Variants in SGCZ observed in about 807,000 individuals in gnomAD.
The protein encoded by SGCZ is zeta-sarcoglycan.
Under a neutral mutation model 41.3 loss-of-function variants are expected in SGCZ, and 40 were observed. That is an observed-to-expected ratio of 0.97 (90% CI 0.75 to 1.26). The LOEUF (loss-of-function observed/expected upper bound fraction) is 1.26. SGCZ is among the 50% of genes most tolerant of loss of function. The probability of loss-of-function intolerance (pLI) is 0.00; values close to 1 mark genes in which losing one functional copy is unlikely to be tolerated. For synonymous variants in SGCZ, 206 were observed against 137.5 expected (o/e 1.50, Z -3.49); for missense variants, 552 against 369.8 (o/e 1.49, Z -4.04).
At chr8:14,494,250 G>A (rs1330806263) in intron 2 of SGCZ, among the ~76,000 whole-genome samples, 1 of 152,112 alleles carries the variant, frequency 6.6e-6, no homozygotes, top group African/African-American at 2.4e-5. Flanking sequence ...TTCAGAGCCT[G>A]TCTCTCTCAA....
At chr8:14,504,187 G>A (rs1480897314) in intron 2 of SGCZ, among the ~76,000 whole-genome samples, 1 of 152,138 alleles carries the variant, frequency 6.6e-6, no homozygotes, top group African/African-American at 2.4e-5. Context: ...TGCTACAAGA[G>A]GAAAATTCAA....
At chr8:14,576,111 G>A (rs1004148936) in intron 1 of SGCZ, among the ~76,000 whole-genome samples, 15 of 152,002 alleles carry the variant, frequency 9.9e-5, no homozygotes, top group Admixed American at 1.3e-4. Flanking sequence ...ATGTATTTCC[G>A]GACAGTAATT....
chr8:14,286,060 C>A (rs1330932977), intron 3 of SGCZ, among the ~76,000 whole-genome samples: 1 of 150,552 alleles, frequency 6.6e-6, no homozygotes, highest in African/African-American at 2.4e-5. Context: ...TAGTTTTATG[C>A]TAATGCAGTC....
intron 1 of SGCZ, among the ~76,000 whole-genome samples, chr8:14,713,463 G>A (rs1435448376): frequency 2.0e-5 from 3 of 152,098 alleles, no homozygotes; most frequent in Non-Finnish European, 4.4e-5. Flanking sequence ...TATTGAGCTA[G>A]GACAATTCAA....
intron 1 of SGCZ, among the ~76,000 whole-genome samples, chr8:15,070,894 A>G (rs781150282): frequency 6.6e-6 from 1 of 152,174 alleles, no homozygotes; most frequent in Non-Finnish European, 1.5e-5. Context: ...TCTGCCACTT[A>G]GCCAGAAGTC....
At chr8:14,257,127 G>A (rs999197192) in intron 3 of SGCZ, among the ~76,000 whole-genome samples, 3 of 152,052 alleles carry the variant, frequency 2.0e-5, no homozygotes, top group African/African-American at 4.8e-5. Flanking sequence ...CCACGACATT[G>A]AGACCCACCT....
chr8:14,377,858 C>T (rs1334218415), intron 2 of SGCZ, among the ~76,000 whole-genome samples: 2 of 151,792 alleles, frequency 1.3e-5, no homozygotes, highest in Admixed American at 1.3e-4. Flanking sequence ...AGGACATGAA[C>T]TCATCATTTT....
chr8:14,458,652 G>T (rs1315025332), intron 2 of SGCZ, among the ~76,000 whole-genome samples: 1 of 152,074 alleles, frequency 6.6e-6, no homozygotes, highest in Non-Finnish European at 1.5e-5. Context: ...TGTGGACTAG[G>T]ATCTCTATCT....
chr8:15,236,305 G>A (rs528893588), intron 1 of SGCZ, among the ~76,000 whole-genome samples: 13 of 152,252 alleles, frequency 8.5e-5, no homozygotes, highest in African/African-American at 3.1e-4. Flanking sequence ...GTGCCCCCTG[G>A]CCAGGGCACA....
intron 1 of SGCZ, among the ~76,000 whole-genome samples, chr8:14,818,706 C>T (rs1179331683): frequency 1.3e-5 from 2 of 151,850 alleles, no homozygotes; most frequent in African/African-American, 2.4e-5. Context: ...AATTTATGGT[C>T]TAAATGAGAA....
chr8:14,887,064 G>A (rs1398428363), intron 1 of SGCZ, among the ~76,000 whole-genome samples: 1 of 152,088 alleles, frequency 6.6e-6, no homozygotes, highest in Non-Finnish European at 1.5e-5. Flanking sequence ...GATTGCAAGA[G>A]GAACAGGTTG....
chr8:14,900,860 T>C (rs191048478), intron 1 of SGCZ, among the ~76,000 whole-genome samples: 29 of 152,336 alleles, frequency 1.9e-4, no homozygotes, highest in African/African-American at 6.3e-4. Flanking sequence ...TGGCCTACTA[T>C]AGAAATGTTG....
intron 1 of SGCZ, among the ~76,000 whole-genome samples, chr8:14,742,358 T>A (rs1394606236): frequency 6.6e-6 from 1 of 152,046 alleles, no homozygotes; most frequent in Non-Finnish European, 1.5e-5. Flanking sequence ...TTTGTAAAAT[T>A]AACAACTTTA....
chr8:14,166,782 G>A (rs1804224660), intron 4 of SGCZ, among the ~76,000 whole-genome samples: 1 of 151,672 alleles, frequency 6.6e-6, no homozygotes, highest in Non-Finnish European at 1.5e-5. Flanking sequence ...CATATAAACT[G>A]TTAGAAAAAT....
chr8:14,354,795 C>A (rs1405523196), intron 2 of SGCZ, among the ~76,000 whole-genome samples: 1 of 151,776 alleles, frequency 6.6e-6, no homozygotes, highest in African/African-American at 2.4e-5. Flanking sequence ...ACTTTAAATT[C>A]TCATAATTTG....
chr8:14,962,485 A>G (rs866843151), intron 1 of SGCZ, among the ~76,000 whole-genome samples: 1 of 152,174 alleles, frequency 6.6e-6, no homozygotes, highest in Non-Finnish European at 1.5e-5. Context: ...TAAATGTCAT[A>G]GAAGTTTCTC....
intron 4 of SGCZ, among the ~76,000 whole-genome samples, chr8:14,173,833 C>G (rs947955825): frequency 6.6e-6 from 1 of 152,022 alleles, no homozygotes; most frequent in Non-Finnish European, 1.5e-5. Flanking sequence ...ACACTAAACA[C>G]TGCCATAAAA....
chr8:14,217,391 A>T (rs1428171112), intron 4 of SGCZ, among the ~76,000 whole-genome samples: 1 of 152,002 alleles, frequency 6.6e-6, no homozygotes, highest in Admixed American at 6.6e-5. Context: ...AAATCTAAAG[A>T]AACGCCTATT....
At chr8:14,559,503 A>T (rs184693257) in intron 1 of SGCZ, among the ~76,000 whole-genome samples, 27 of 152,278 alleles carry the variant, frequency 1.8e-4, no homozygotes, top group African/African-American at 6.5e-4. Context: ...AAATGGAAAC[A>T]CATCCCATGC....
Sources: gnomAD v4.1 joint callset for allele counts (sites outside exome capture counted in the v4.1 genomes callset) on GRCh38, gnomAD v4.1.1 for gene constraint, MANE v1.5 for transcripts, NCBI Gene and HGNC (gene_info 2026-07-23, HGNC 2026-07-21) for gene names.